Variants in RAB38 observed in about 807,000 individuals in gnomAD.
RAB38 encodes the protein ras-related protein Rab-38.
A neutral mutation model predicts 18.4 loss-of-function variants in RAB38; 15 were observed. The observed-to-expected ratio is 0.82, with a 90% CI of 0.55 to 1.26. RAB38 has a LOEUF of 1.26. RAB38 is among the 50% of genes most tolerant of loss of function. The pLI, the probability that RAB38 is intolerant of heterozygous loss-of-function variation, is 0.00. For missense variants in RAB38, 294 were observed against 267.4 expected (o/e 1.10, Z -0.69); for synonymous variants, 101 against 104.4 (o/e 0.97, Z 0.20).
chr11:87,947,529 A>G, the RAB38 span, among the ~76,000 whole-genome samples: 3 of 152,212 alleles, frequency 2.0e-5, no homozygotes, highest in Non-Finnish European at 2.9e-5. Context: ...CAGGTCTAAC[A>G]TTTAAGTCTT....
the RAB38 span, chr11:87,815,073 G>C: frequency 6.6e-6 from 1 of 152,250 alleles, no homozygotes; most frequent in East Asian, 1.9e-4. Flanking sequence ...AGTGGTATAG[G>C]GTGAGGATGG....
At chr11:87,925,960 C>G in the RAB38 span, among the ~76,000 whole-genome samples, 4 of 151,878 alleles carry the variant, frequency 2.6e-5, no homozygotes, top group African/African-American at 9.7e-5. Context: ...ACGGAGGGAA[C>G]AGCAATGTCT....
At chr11:87,806,006 C>A in the RAB38 span, among the ~76,000 whole-genome samples, 1 of 152,038 alleles carries the variant, frequency 6.6e-6, no homozygotes, top group Non-Finnish European at 1.5e-5. Flanking sequence ...AAAAATAACC[C>A]TCACAGTAAC....
At chr11:88,127,191 C>T (rs1942709058) in intron 2 of RAB38, among the ~76,000 whole-genome samples, 1 of 152,090 alleles carries the variant, frequency 6.6e-6, no homozygotes, top group African/African-American at 2.4e-5. Context: ...AAATTCTTTA[C>T]ATTAAACAGA....
chr11:88,024,916 AT>A, the RAB38 span, among the ~76,000 whole-genome samples: 10 of 151,478 alleles, frequency 6.6e-5, no homozygotes, highest in South Asian at 6.2e-4. Context: ...CACAAAAAAA[AT>A]AGTTAGAAAG....
chr11:87,971,190 A>C, the RAB38 span, among the ~76,000 whole-genome samples: 1 of 152,020 alleles, frequency 6.6e-6, no homozygotes, highest in African/African-American at 2.4e-5. Context: ...GCAATAAGGG[A>C]GCAAAGACTA....
At chr11:87,969,581 C>T in the RAB38 span, among the ~76,000 whole-genome samples, 1 of 152,024 alleles carries the variant, frequency 6.6e-6, no homozygotes, top group Non-Finnish European at 1.5e-5. Context: ...AATTTTGGAA[C>T]ATCCAAAGAG....
At chr11:87,928,003 A>C in the RAB38 span, among the ~76,000 whole-genome samples, 1 of 151,970 alleles carries the variant, frequency 6.6e-6, no homozygotes, top group African/African-American at 2.4e-5. Context: ...GCTTGAGCCC[A>C]GGAGGTTGAG....
the RAB38 span, among the ~76,000 whole-genome samples, chr11:87,869,601 T>A: frequency 6.6e-6 from 1 of 151,726 alleles, no homozygotes; most frequent in African/African-American, 2.4e-5. Flanking sequence ...ATTTTAGGTC[T>A]GTAGTCCTCG....
At chr11:88,124,936 G>A (rs936819713) in intron 2 of RAB38, among the ~76,000 whole-genome samples, 24 of 152,164 alleles carry the variant, frequency 1.6e-4, no homozygotes, top group African/African-American at 5.5e-4. Context: ...AATTTGCTAC[G>A]CAATAAGTTA....
chr11:88,044,634 G>A, the RAB38 span, among the ~76,000 whole-genome samples: 10 of 152,026 alleles, frequency 6.6e-5, no homozygotes, highest in African/African-American at 2.2e-4. Context: ...ATGGGCAAAC[G>A]GTCTGAGGTG....
intron 2 of RAB38, among the ~76,000 whole-genome samples, chr11:88,133,663 A>G (rs1052186441): frequency 6.6e-6 from 1 of 152,240 alleles, no homozygotes. Flanking sequence ...CCCACCAACT[A>G]GCAGAAACAC....
the RAB38 span, among the ~76,000 whole-genome samples, chr11:87,837,584 G>A: frequency 1.3e-5 from 2 of 152,164 alleles, no homozygotes; most frequent in African/African-American, 2.4e-5. Flanking sequence ...TTAAACTAAT[G>A]TTTACTGAGA....
At chr11:87,928,187 T>C in the RAB38 span, among the ~76,000 whole-genome samples, 1 of 152,100 alleles carries the variant, frequency 6.6e-6, no homozygotes, top group African/African-American at 2.4e-5. Context: ...ACTTATCAAA[T>C]GGTAAGTGTT....
the RAB38 span, among the ~76,000 whole-genome samples, chr11:87,805,429 C>T: frequency 2.0e-5 from 3 of 151,768 alleles, no homozygotes; most frequent in Non-Finnish European, 2.9e-5. Context: ...AATGCTCAGG[C>T]ATCTTAATAG....
the RAB38 span, among the ~76,000 whole-genome samples, chr11:88,087,247 T>G: frequency 1.3e-5 from 2 of 151,400 alleles, no homozygotes; most frequent in South Asian, 2.1e-4. Flanking sequence ...CAAGGGCTAC[T>G]CAGGGAAGAG....
chr11:88,079,382 A>G, the RAB38 span, among the ~76,000 whole-genome samples: 2 of 151,818 alleles, frequency 1.3e-5, no homozygotes, highest in Non-Finnish European at 3.0e-5. Context: ...GGAAAATGAT[A>G]TTCTCAATAG....
chr11:88,161,772 C>A (rs576134418), intron 1 of RAB38, among the ~76,000 whole-genome samples: 5 of 152,112 alleles, frequency 3.3e-5, no homozygotes, highest in African/African-American at 1.2e-4. Context: ...TTGTGCATAT[C>A]TGTTGTAACA....
intron 2 of RAB38, among the ~76,000 whole-genome samples, chr11:88,132,253 T>C (rs1423594824): frequency 2.0e-5 from 3 of 152,220 alleles, no homozygotes; most frequent in African/African-American, 7.2e-5. Flanking sequence ...CCTCATCTTA[T>C]AACCATAAGG....
Sources: gnomAD v4.1 joint callset for allele counts (sites outside exome capture counted in the v4.1 genomes callset) on GRCh38, gnomAD v4.1.1 for gene constraint, MANE v1.5 for transcripts, NCBI Gene and HGNC (gene_info 2026-07-23, HGNC 2026-07-21) for gene names.